The following HVCN1 variants were observed in gnomAD, a reference collection of about 807,000 sequenced individuals.
The protein encoded by HVCN1 is hydrogen voltage gated channel 1, also known as voltage-gated hydrogen channel 1.
Under a neutral mutation model 29.2 loss-of-function variants are expected in HVCN1, and 14 were observed. That is an observed-to-expected ratio of 0.48 (90% CI 0.32 to 0.75). The LOEUF (loss-of-function observed/expected upper bound fraction) is 0.75, where lower values mean the gene tolerates loss of function less well. Among genes scored for constraint, HVCN1 ranks in the 30% least tolerant of loss-of-function variants. HVCN1 has a pLI of 0.04. For missense variants in HVCN1, 263 were observed against 341.8 expected (o/e 0.77, Z 1.82); for synonymous variants, 131 against 133.2 (o/e 0.98, Z 0.11).
chr12:110,662,996 C>T (rs1050105388), intron 3 of HVCN1, among the ~76,000 whole-genome samples: 1 of 152,168 alleles, frequency 6.6e-6, no homozygotes, highest in South Asian at 2.1e-4. Context: ...AGATGCTTAT[C>T]CCCAATAATA....
intron 3 of HVCN1, among the ~76,000 whole-genome samples, chr12:110,675,187 G>T (rs548689456): frequency 3.3e-5 from 5 of 152,168 alleles, no homozygotes; most frequent in African/African-American, 1.2e-4. Context: ...AGCTGGGTGC[G>T]GTGGCTCATA....
chr12:110,669,810 C>T (rs2068510656), intron 3 of HVCN1, among the ~76,000 whole-genome samples: 1 of 152,118 alleles, frequency 6.6e-6, no homozygotes, highest in Non-Finnish European at 1.5e-5. Context: ...AATCCTAGCA[C>T]TTTGGGAGGC....
rs371857961 is a variant in HVCN1 at position 110,658,876 on chromosome 12, C to T, written c.306+2288G>A. On this transcript the variant is annotated intron_variant, in intron 4 of 7. Coordinates refer to ENST00000242607, the MANE Select transcript of HVCN1 (RefSeq NM_032369.4). The surrounding 1 kb of genome is among the most constrained non-coding windows in gnomAD (Gnocchi z 5.0). ...CTCCACTCACTTTATGACAGGCATT[C>T]GTCTTTTTCCCCAGCAGGAGTATCT... is the stretch of plus-strand genomic sequence containing the variant. 3.9e-5 allele frequency among the ~76,000 whole-genome samples: 6 copies of T among 152,332 alleles called. No homozygotes were observed. In the East Asian group the frequency reaches 1.2e-3, roughly 29 times the overall value.
At chr12:110,701,864 AAAC>A (rs1245807957) in intron 2 of HVCN1, among the ~76,000 whole-genome samples, 8 of 149,566 alleles carry the variant, frequency 5.3e-5, no homozygotes, top group Non-Finnish European at 1.0e-4. Context: ...CTCAAAAACA[AAAC>A]AAAACAACAA....
Position 110,661,596 on chromosome 12 carries a change from T to C in HVCN1, c.22-148A>G, listed in dbSNP as rs377270088. 5.7e-6 allele frequency: 4 copies of C among 697,934 alleles called. No homozygotes were observed. The African/African-American group carries it at 7.2e-5, about 13-fold the overall frequency. The allele number at this position is 697,934 out of a possible 1,614,324, so 43.2% of individuals were successfully genotyped here. ...CAGAGACCATGAGGTCACGGTGGTT[T>C]CTCGTGCTTTTATTTTTGGAATCCA... On this transcript the variant is annotated intron_variant, in intron 3 of 7. Transcript: ENST00000242607. This position sits in a 1 kb window ranked among gnomAD's most constrained non-coding sequence, Gnocchi z 6.2.
intron 3 of HVCN1, among the ~76,000 whole-genome samples, chr12:110,671,637 G>T (rs972851071): frequency 4.6e-5 from 7 of 152,160 alleles, no homozygotes; most frequent in African/African-American, 7.2e-5. Flanking sequence ...ATGGTCTGTA[G>T]GCCAGGTACT....
intron 3 of HVCN1, among the ~76,000 whole-genome samples, chr12:110,668,924 T>G (rs974639202): frequency 6.6e-6 from 1 of 152,056 alleles, no homozygotes; most frequent in Admixed American, 6.6e-5. Flanking sequence ...CTCCTCAGCT[T>G]CCTGTACCAT....
intron 3 of HVCN1, among the ~76,000 whole-genome samples, chr12:110,680,732 T>A (rs2068936982): frequency 6.6e-6 from 1 of 151,978 alleles, no homozygotes; most frequent in East Asian, 1.9e-4. Context: ...GCCTGGCCAA[T>A]ATGGAGAAAC....
At chr12:110,699,112 A>G (rs1483126416) in intron 2 of HVCN1, among the ~76,000 whole-genome samples, 3 of 152,232 alleles carry the variant, frequency 2.0e-5, no homozygotes, top group African/African-American at 4.8e-5. Flanking sequence ...TGAGCAACAG[A>G]GTGAGACTCC....
chr12:110,688,573 G>C (rs1365478691), intron 2 of HVCN1, 52 bp downstream of exon 2: 3 of 152,438 alleles, frequency 2.0e-5, no homozygotes, highest in Admixed American at 6.5e-5. Flanking sequence ...ACAATCTCCC[G>C]GGAGGGCAGC....
At chr12:110,649,533 A>G in intron 7 of HVCN1, 58 bp from the exon 8 acceptor site, 2 of 1,295,254 alleles carry the variant, frequency 1.5e-6, no homozygotes, top group Non-Finnish European at 2.2e-6. Context: ...GGGATGTGAC[A>G]ATCAATCATT....
At chr12:110,663,981 G>C (rs1294043378) in intron 3 of HVCN1, among the ~76,000 whole-genome samples, 1 of 152,016 alleles carries the variant, frequency 6.6e-6, no homozygotes, top group African/African-American at 2.4e-5. Context: ...GCAGGGGTGC[G>C]ATCATAGCTC....
intron 2 of HVCN1, among the ~76,000 whole-genome samples, chr12:110,686,527 C>G (rs369639951): frequency 2.6e-5 from 4 of 152,218 alleles, no homozygotes; most frequent in South Asian, 4.2e-4. Flanking sequence ...GTGGAACCAT[C>G]ACCACAAGAG....
chr12:110,691,124 G>T (rs1415696615), upstream of HVCN1, among the ~76,000 whole-genome samples: 1 of 150,962 alleles, frequency 6.6e-6, no homozygotes. Flanking sequence ...GTGCAGTGGC[G>T]CGACCTCGGC....
At chr12:110,703,106 A>C (rs375303933) in intron 1 of HVCN1, among the ~76,000 whole-genome samples, 7 of 152,042 alleles carry the variant, frequency 4.6e-5, no homozygotes, top group African/African-American at 1.7e-4. Context: ...TATTTTAAAA[A>C]ATGCAAGGCT....
chr12:110,670,652 T>C (rs2136353333), intron 3 of HVCN1, among the ~76,000 whole-genome samples: 1 of 152,294 alleles, frequency 6.6e-6, no homozygotes, highest in Non-Finnish European at 1.5e-5. Context: ...GCTCCATGAC[T>C]TGGAGACTAT....
chr12:110,695,113 A>C (rs2069469027), intron 2 of HVCN1, among the ~76,000 whole-genome samples: 1 of 152,182 alleles, frequency 6.6e-6, no homozygotes, highest in Non-Finnish European at 1.5e-5. Context: ...CAAAGTGATA[A>C]GCATTGAAAA....
chr12:110,698,984 C>T (rs1484469856), intron 2 of HVCN1, among the ~76,000 whole-genome samples: 3 of 152,110 alleles, frequency 2.0e-5, no homozygotes, highest in Non-Finnish European at 4.4e-5. Flanking sequence ...AAAAATTAGC[C>T]GGGCATGGTG....
At chr12:110,698,973 C>T (rs780157135) in intron 2 of HVCN1, among the ~76,000 whole-genome samples, 22 of 152,102 alleles carry the variant, frequency 1.4e-4, no homozygotes, top group Non-Finnish European at 2.6e-4. Context: ...ACTAAAAATA[C>T]AAAAATTAGC....
Sources: gnomAD v4.1 joint callset for allele counts (sites outside exome capture counted in the v4.1 genomes callset) on GRCh38, gnomAD v4.1.1 for gene constraint, Gnocchi (gnomAD v3.1) non-coding constraint, MANE v1.5 for transcripts, NCBI Gene and HGNC (gene_info 2026-07-23, HGNC 2026-07-21) for gene names.